The following CLPTM1 variants were observed in gnomAD, a reference collection of about 807,000 sequenced individuals.
CLPTM1 encodes the protein CLPTM1 regulator of GABA type A receptor forward trafficking, also known as putative lipid scramblase CLPTM1.
Under a neutral mutation model 77.3 loss-of-function variants are expected in CLPTM1, and 21 were observed. The ratio of observed to expected loss-of-function variants is 0.27; its 90% CI spans 0.19 to 0.39. The LOEUF is 0.39. Among genes scored for constraint, CLPTM1 ranks in the 10% least tolerant of loss-of-function variants. The pLI, the probability that CLPTM1 is intolerant of heterozygous loss-of-function variation, is 1.00. For synonymous variants in CLPTM1, 373 were observed against 381.0 expected (o/e 0.98, Z 0.24); for missense variants, 642 against 921.2 (o/e 0.70, Z 3.92).
At chr19:44,955,350 G>A (rs1310274548), upstream of CLPTM1, 2 of 1,368,800 alleles carry the variant, frequency 1.5e-6, no homozygotes, top group South Asian at 1.7e-5. Flanking sequence ...GCGAAGTCGG[G>A]GACGGGGCGG....
chr19:44,982,777 A>G (rs1371169638), intron 5 of CLPTM1, among the ~76,000 whole-genome samples: 1 of 152,180 alleles, frequency 6.6e-6, no homozygotes, highest in Non-Finnish European at 1.5e-5. Flanking sequence ...CATAGAAATG[A>G]TGAGGATTGG....
Position 44,986,587 on chromosome 19 carries a change from A to T in CLPTM1, c.793+12A>T. The T allele has an allele frequency of 1.2e-6, 2 of 1,612,564 alleles. No homozygotes were observed. The highest frequency in any genetic ancestry group is 1.7e-6 in the Non-Finnish European group (2 of 1,179,480). ...TCCCCTGGATCAATGTAAGCTCCCC[A>T]GCCCTGCCAGCTGCCTGCAGAGCCT... is the stretch of plus-strand genomic sequence containing the variant. On this transcript the variant is annotated intron_variant, in intron 7 of 13. Coordinates refer to ENST00000337392, the MANE Select transcript of CLPTM1 (RefSeq NM_001294.4).
In CLPTM1 at chr19:44,955,424, C is replaced by T. The variant is rs1272185967; in HGVS notation, c.29C>T (p.Ala10Val). The stretch of plus-strand genomic sequence containing the variant: ...GCGGCGGCGCAGGAGGCGGACGGGG[C>T]CCGCAGCGCCGTGGTGGCGGCCGGG... Reference protein sequence around the residue: MAAAQEADGARSAVVAAGGG... With the variant: MAAAQEADGVRSAVVAAGGG... Residue 10 changes from alanine to valine, a missense_variant, in exon 1 of 14, where the codon GCC becomes GTC. Ala to Val is a moderately conservative substitution (Grantham distance 64, BLOSUM62 0). This residue lies in a region of CLPTM1 where 121 missense variants were observed against 120.8 expected (regional missense o/e 1.00). Transcript: ENST00000337392. The T allele has an allele frequency of 7.5e-6, 10 of 1,341,170 alleles. No homozygotes were observed. Among genetic ancestry groups the T allele is most frequent in the Middle Eastern group, 2.8e-4 (1 of 3,594 alleles). 83.1% of individuals were successfully genotyped at this position (1,341,170 alleles called of 1,614,324 possible).
At position 44,991,300 on chromosome 19, in the gene CLPTM1, T is replaced by C. The variant is rs776448633; in HGVS notation, c.1482T>C (p.Ser494=). The C allele has an allele frequency of 3.7e-6, 6 of 1,613,934 alleles. No individual in the cohort carries two copies. Among genetic ancestry groups the C allele is most frequent in the Admixed American group, 1.7e-5 (1 of 59,992 alleles). Residue 494 remains serine, a synonymous_variant, in exon 12 of 14, where the codon AGT becomes AGC. Transcript: ENST00000337392. This position sits in a 1 kb window ranked among gnomAD's most constrained non-coding sequence, Gnocchi z 5.4. ...TCCTGGGCTGCTATGCCGTCTACAGTCTTCTGTACCTGGAGCACAAGGGCT... is the reference window on the plus strand; with the variant it reads ...TCCTGGGCTGCTATGCCGTCTACAGCCTTCTGTACCTGGAGCACAAGGGCT... ...FPLLGCYAVY[S]LLYLEHKGWY...
At chr19:44,958,466 G>A (rs927340057) in intron 1 of CLPTM1, among the ~76,000 whole-genome samples, 4 of 151,780 alleles carry the variant, frequency 2.6e-5, no homozygotes, top group African/African-American at 9.7e-5. Context: ...CCGTCTCCTG[G>A]GTTCAGGCAA....
chr19:44,965,156 T>G (rs1005235659), intron 2 of CLPTM1, among the ~76,000 whole-genome samples: 17 of 152,142 alleles, frequency 1.1e-4, no homozygotes, highest in African/African-American at 3.9e-4. Context: ...AGTTAGGCAA[T>G]CAGCTTCCCT....
At chr19:44,987,056 A>G in intron 7 of CLPTM1, 123 bp from the exon 8 acceptor site, 1 of 1,308,650 alleles carries the variant, frequency 7.6e-7, no homozygotes, top group South Asian at 1.4e-5. Context: ...TGTGGCCTAG[A>G]AATGTCCCCT....
At chr19:44,961,265 G>A (rs141759688) in intron 1 of CLPTM1, among the ~76,000 whole-genome samples, 4 of 152,320 alleles carry the variant, frequency 2.6e-5, no homozygotes, top group East Asian at 1.9e-4. Flanking sequence ...TAGTCTGGTT[G>A]TGTTTTTCTG....
At position 44,991,245 on chromosome 19, in the gene CLPTM1, T is replaced by G. The variant is rs749963098; in HGVS notation, c.1427T>G (p.Phe476Cys). 6.2e-7 allele frequency: 1 copy of G among 1,613,968 alleles called. No homozygotes were observed. Among genetic ancestry groups the G allele is most frequent in the Non-Finnish European group, 8.5e-7 (1 of 1,179,916 alleles). The stretch of plus-strand genomic sequence containing the variant: ...CACCCTGTGGCCCCACAGATGGCAT[T>G]CCGGTACCTGTCCTGGATCCTCTTC... ...SSTKVYDDMAFRYLSWILFPL... is the reference protein window; with the variant it reads ...SSTKVYDDMACRYLSWILFPL... The change falls in exon 12 of 14, where the codon TTC becomes TGC. Residue 476 changes from phenylalanine (F) to cysteine (C), a missense_variant. Coordinates refer to ENST00000337392, the MANE Select transcript of CLPTM1 (RefSeq NM_001294.4). This position sits in a 1 kb window ranked among gnomAD's most constrained non-coding sequence, Gnocchi z 5.4.
intron 5 of CLPTM1, among the ~76,000 whole-genome samples, chr19:44,981,813 A>G (rs1244980135): frequency 6.6e-6 from 1 of 151,926 alleles, no homozygotes; most frequent in East Asian, 1.9e-4. Context: ...CGGGAGCCTG[A>G]GGTAGGAGGA....
At chr19:44,981,352 G>T (rs1970894232) in intron 5 of CLPTM1, among the ~76,000 whole-genome samples, 1 of 151,702 alleles carries the variant, frequency 6.6e-6, no homozygotes, top group Non-Finnish European at 1.5e-5. Flanking sequence ...TGTTGGTCAG[G>T]CTGGTCTCGA....
chr19:44,987,334 C>T lies in CLPTM1; in HGVS notation c.949C>T (p.Leu317Phe). 1 of 1,614,270 alleles carries T rather than the reference C, an allele frequency of 6.2e-7. No homozygotes were observed. Among genetic ancestry groups the T allele is most frequent in the Non-Finnish European group, 8.5e-7 (1 of 1,180,050 alleles). ...FCPLSLWRWQ[L>F]YAAQSTKSPW... ...CCCACTCTCGCTTTGGCGCTGGCAG[C>T]TCTATGCTGCCCAGAGCACCAAGTC... The change falls in exon 8 of 14, where the codon CTC (leucine) becomes TTC (phenylalanine). Residue 317 changes from leucine (L) to phenylalanine (F), a missense_variant. Physicochemically the swap from Leu to Phe is conservative, Grantham distance 22. Around this residue, in one of 2 missense-constraint regions of CLPTM1, gnomAD observed 521 missense variants for 800.4 expected, o/e 0.65. Coordinates refer to ENST00000337392, the MANE Select transcript of CLPTM1 (RefSeq NM_001294.4).
At chr19:44,959,645 C>A (rs1283108558) in intron 1 of CLPTM1, among the ~76,000 whole-genome samples, 1 of 152,226 alleles carries the variant, frequency 6.6e-6, no homozygotes, top group Non-Finnish European at 1.5e-5. Context: ...TGAGCCACTG[C>A]GCCTGGTCTG....
At chr19:44,972,099 G>A (rs1326822801) in intron 2 of CLPTM1, among the ~76,000 whole-genome samples, 1 of 151,614 alleles carries the variant, frequency 6.6e-6, no homozygotes, top group Non-Finnish European at 1.5e-5. Flanking sequence ...TCGATTTCTT[G>A]ACCTCGTGAT....
Position 44,990,785 on chromosome 19 carries a change from C to A in CLPTM1, c.1324-65C>A. 7.0e-7 allele frequency: 1 copy of A among 1,425,710 alleles called. No individual in the cohort carries two copies. The highest frequency in any genetic ancestry group is 9.8e-7 in the Non-Finnish European group (1 of 1,016,652). 88.3% of individuals were successfully genotyped at this position (1,425,710 alleles called of 1,614,324 possible). On this transcript the variant is annotated intron_variant, in intron 10 of 13. Transcript: ENST00000337392. The surrounding 1 kb of genome is among the most constrained non-coding windows in gnomAD (Gnocchi z 4.8). ...TGGGAACGGTGGGGAAGGGCAGGGGCTGGTTCTGGCTTGTGGGGTGGGAGC... is the reference window on the plus strand; with the variant it reads ...TGGGAACGGTGGGGAAGGGCAGGGGATGGTTCTGGCTTGTGGGGTGGGAGC...
At position 44,993,320 on chromosome 19, in the gene CLPTM1, A is replaced by G. The variant is rs960403504; in HGVS notation, c.*423A>G. On this transcript the variant is annotated 3_prime_UTR_variant, in exon 14 of 14. Transcript: ENST00000337392. Reference sequence around the variant, plus strand: ...CACAGTCTGGATTTAATAAATTCATATGGGTGTTTAACTTAAACTCAGCAC... The same window carrying G: ...CACAGTCTGGATTTAATAAATTCATGTGGGTGTTTAACTTAAACTCAGCAC... 3 of 376,174 alleles carry G rather than the reference A, an allele frequency of 8.0e-6. No homozygotes were observed. Among genetic ancestry groups the G allele is most frequent in the African/African-American group, 2.1e-5 (1 of 47,434 alleles). The allele number at this position is 376,174 out of a possible 1,614,324, so 23.3% of individuals were successfully genotyped here.
intron 2 of CLPTM1, among the ~76,000 whole-genome samples, chr19:44,964,539 G>A (rs1970597898): frequency 1.3e-5 from 2 of 151,336 alleles, no homozygotes; most frequent in African/African-American, 2.4e-5. Context: ...TCTAACTCCT[G>A]ACCTCAGGTG....
rs1971082133 is a variant in CLPTM1 at position 44,991,925 on chromosome 19, A to T, written c.1556-308A>T. Among the ~76,000 whole-genome samples, 1 of 152,070 alleles carries T rather than the reference A, an allele frequency of 6.6e-6. No homozygotes were observed. Among genetic ancestry groups the T allele is most frequent in the Non-Finnish European group, 1.5e-5 (1 of 68,018 alleles). On this transcript the variant is annotated intron_variant, in intron 12 of 13. Coordinates refer to ENST00000337392, the MANE Select transcript of CLPTM1 (RefSeq NM_001294.4). The surrounding 1 kb of genome is among the most constrained non-coding windows in gnomAD (Gnocchi z 5.4). ...GTCTCAAAAAACAAAAGACCGGGTG[A>T]ATCACAGCCAATAGTGAGTACTGTG...
intron 2 of CLPTM1, among the ~76,000 whole-genome samples, chr19:44,966,925 T>C (rs1479588068): frequency 6.6e-6 from 1 of 151,898 alleles, no homozygotes; most frequent in Non-Finnish European, 1.5e-5. Context: ...CACTGCAAGC[T>C]CCGCCTCCTA....
Sources: allele counts gnomAD v4.1 joint callset (sites outside exome capture counted in the v4.1 genomes callset), GRCh38; gene constraint gnomAD v4.1.1; regional missense constraint gnomAD v4.1.1; non-coding constraint Gnocchi (gnomAD v3.1); transcripts MANE v1.5; gene names NCBI Gene and HGNC (gene_info 2026-07-23, HGNC 2026-07-21).